The following MDM1 variants were observed in gnomAD, a reference collection of about 807,000 sequenced individuals.
The protein encoded by MDM1 is Mdm1 nuclear protein.
A neutral mutation model predicts 89.1 loss-of-function variants in MDM1; 61 were observed. The ratio of observed to expected loss-of-function variants is 0.68; its 90% CI spans 0.56 to 0.85. The LOEUF is 0.85. Ranked by LOEUF, MDM1 falls within the 40% of genes least tolerant of loss-of-function variation. The pLI is 0.00. For missense variants in MDM1, 820 were observed against 846.5 expected (o/e 0.97, Z 0.39); for synonymous variants, 290 against 294.1 (o/e 0.99, Z 0.14).
rs918044545 is a variant in MDM1, at chr12:68,332,076, A to T, written c.18+152T>A. ...GGAACTAGGTTAAGAGGCGGCGGGCAGATTCTGGGGCCCCTCGAGCAGGCC... is the reference window on the plus strand; with the variant it reads ...GGAACTAGGTTAAGAGGCGGCGGGCTGATTCTGGGGCCCCTCGAGCAGGCC... On this transcript the variant is annotated intron_variant, in intron 1 of 14. Coordinates refer to ENST00000682720, the MANE Select transcript of MDM1 (RefSeq NM_001354969.2). 6 of 996,448 alleles carry T rather than the reference A, an allele frequency of 6.0e-6. No individual in the cohort carries two copies. The African/African-American group carries it at 9.6e-5, about 16-fold the overall frequency. 61.7% of individuals were successfully genotyped at this position (996,448 alleles called of 1,614,324 possible).
At chr12:68,298,596 C>T (rs753241683) in intron 13 of MDM1, among the ~76,000 whole-genome samples, 2 of 152,134 alleles carry the variant, frequency 1.3e-5, no homozygotes, top group Non-Finnish European at 2.9e-5. Flanking sequence ...AGGAGCACTC[C>T]CCAGATGCAG....
At chr12:68,308,674 C>G (rs564446598) in intron 12 of MDM1, among the ~76,000 whole-genome samples, 3 of 152,284 alleles carry the variant, frequency 2.0e-5, no homozygotes, top group African/African-American at 7.2e-5. Flanking sequence ...TTCATGAAGG[C>G]AGGGATTTTG....
Position 68,332,266 on chromosome 12 carries a change from C to T in MDM1, c.-21G>A. On this transcript the variant is annotated 5_prime_UTR_variant, in exon 1 of 15. Transcript: ENST00000682720. ...GGCATGTCGCCCGGCGCCGGAGCCC[C>T]CGCTACTCCGACAGTTAACTGGAGA... The T allele has an allele frequency of 1.3e-6, 2 of 1,582,206 alleles. No individual in the cohort carries two copies. Among genetic ancestry groups the T allele is most frequent in the Non-Finnish European group, 8.6e-7 (1 of 1,165,092 alleles).
At chr12:68,321,831 T>A (rs10506558) in intron 5 of MDM1, among the ~76,000 whole-genome samples, 9,361 of 152,270 alleles carry the variant, frequency 0.061, 333 homozygotes, top group Middle Eastern at 0.12. Context: ...TTTTGAAGTT[T>A]AGCTGAGGAT....
intron 7 of MDM1, among the ~76,000 whole-genome samples, chr12:68,320,183 C>T (rs1875031615): frequency 6.6e-6 from 1 of 152,198 alleles, no homozygotes; most frequent in African/African-American, 2.4e-5. Context: ...GAGATCTTTG[C>T]CAAGACTTGG....
intron 12 of MDM1, among the ~76,000 whole-genome samples, chr12:68,308,575 C>A (rs1040882831): frequency 6.6e-5 from 10 of 152,182 alleles, no homozygotes; most frequent in African/African-American, 2.4e-4. Context: ...CCCTTAGAGA[C>A]CTGTAGTCTT....
chr12:68,302,921 GTAAA>G (rs1198222378), intron 12 of MDM1, 49 bp from the exon 13 acceptor site: 1 of 1,455,570 alleles, frequency 6.9e-7, no homozygotes, highest in Non-Finnish European at 9.1e-7. Flanking sequence ...GTGTAGATAT[GTAAA>G]TAAATAAGCC....
rs765073120 is a variant in MDM1 at position 68,295,296 on chromosome 12, T to C, written c.2133A>G (p.Ala711=). The stretch of plus-strand genomic sequence containing the variant: ...AATTCTCCTTCCTTTTCTTAGCTCG[T>C]GCCAGAGTTTGAAAAGCCCGGAGAC... ...ASSLRAFQTL[A]RAKKRKENFW... The change falls in exon 15 of 15, where the codon GCA becomes GCG. Residue 711 remains alanine, a synonymous_variant. Coordinates refer to ENST00000682720, the MANE Select transcript of MDM1 (RefSeq NM_001354969.2). 3.1e-6 allele frequency: 5 copies of C among 1,613,306 alleles called. No homozygotes were observed. The highest frequency in any genetic ancestry group is 1.7e-5 in the Admixed American group (1 of 59,938).
rs1339213002 is a variant in MDM1 at position 68,331,141 on chromosome 12, C to CT, written c.98dup (p.Tyr34ValfsTer7). 15 of 1,610,182 alleles carry CT rather than the reference C, an allele frequency of 9.3e-6. No homozygotes were observed. The highest frequency in any genetic ancestry group is 3.3e-5 in the Admixed American group (2 of 60,004). On this transcript the variant is annotated frameshift_variant, in exon 2 of 15. Transcript: ENST00000682720. LOFTEE classifies it high-confidence loss of function. ...CTGATCTAAGTCCAGCCCATGGGTA[C>CT]TTTCGCCCCACGGAGGAATTACAAG...
chr12:68,306,074 A>C (rs1235464253), intron 12 of MDM1, among the ~76,000 whole-genome samples: 1 of 152,144 alleles, frequency 6.6e-6, no homozygotes, highest in Non-Finnish European at 1.5e-5. Context: ...CAGACAGACT[A>C]ATGGAACAGA....
At chr12:68,307,543 A>C (rs1198426970) in intron 12 of MDM1, among the ~76,000 whole-genome samples, 2 of 152,174 alleles carry the variant, frequency 1.3e-5, no homozygotes, top group Non-Finnish European at 2.9e-5. Context: ...CAGGAGGCTG[A>C]GGTGGGAGGA....
At chr12:68,323,444 G>A (rs1875513414) in intron 4 of MDM1, 1 of 431,890 alleles carries the variant, frequency 2.3e-6, no homozygotes, top group Non-Finnish European at 4.0e-6. Context: ...TAACAGTTTT[G>A]TAATCAAAAT....
intron 10 of MDM1, 79 bp from the exon 11 acceptor site, chr12:68,313,832 G>T: frequency 1.6e-6 from 2 of 1,265,592 alleles, no homozygotes; most frequent in Non-Finnish European, 2.3e-6. Flanking sequence ...CCATCATTGT[G>T]CAATAATAAA....
At chr12:68,313,993 T>C (rs1383090846) in intron 10 of MDM1, among the ~76,000 whole-genome samples, 1 of 151,748 alleles carries the variant, frequency 6.6e-6, no homozygotes, top group African/African-American at 2.4e-5. Context: ...CAAAATTAGC[T>C]GGGTGTGGTG....
In MDM1 at chr12:68,327,615, G is replaced by A. The variant is rs1876200966; in HGVS notation, c.134-594C>T. 3.6e-6 allele frequency: 4 copies of A among 1,118,844 alleles called. No individual in the cohort carries two copies. In the East Asian group the frequency reaches 1.0e-4, roughly 29 times the overall value. 69.3% of individuals were successfully genotyped at this position (1,118,844 alleles called of 1,614,324 possible). ...TCCAAAAACTTAACCTTCTATGAAG[G>A]TAAGAGCAGCTCTGCAGAATGACAG... On this transcript the variant is annotated intron_variant, in intron 2 of 14. Transcript: ENST00000682720.
intron 12 of MDM1, among the ~76,000 whole-genome samples, chr12:68,307,899 C>T (rs547596496): frequency 7.2e-6 from 1 of 139,046 alleles, no homozygotes; most frequent in East Asian, 2.2e-4. Flanking sequence ...GATCGCACCA[C>T]TATACTCCAG....
chr12:68,315,373 T>C, intron 9 of MDM1, 108 bp from the exon 10 acceptor site: 1 of 1,019,176 alleles, frequency 9.8e-7, no homozygotes. Flanking sequence ...CAACTACATG[T>C]TTTCCATAGA....
At chr12:68,324,691 G>A (rs568443287) in intron 4 of MDM1, among the ~76,000 whole-genome samples, 125 of 152,226 alleles carry the variant, frequency 8.2e-4, no homozygotes, top group Non-Finnish European at 1.5e-3. Flanking sequence ...AGAAAAACAC[G>A]AAGACCAGAA....
chr12:68,325,698 C>T, intron 3 of MDM1, 123 bp from the exon 4 acceptor site: 8 of 1,341,360 alleles, frequency 6.0e-6, no homozygotes, highest in Non-Finnish European at 6.8e-6. Context: ...ATCTACAGTG[C>T]AAAATTGTTA....
Sources: allele counts gnomAD v4.1 joint callset (sites outside exome capture counted in the v4.1 genomes callset), GRCh38; gene constraint gnomAD v4.1.1; transcripts MANE v1.5; gene names NCBI Gene and HGNC (gene_info 2026-07-23, HGNC 2026-07-21).